The following LTBP3 variants were observed in gnomAD, a reference collection of about 807,000 sequenced individuals.
The protein encoded by LTBP3 is latent-transforming growth factor beta-binding protein 3.
A neutral mutation model predicts 159.7 loss-of-function variants in LTBP3; 97 were observed. That is an observed-to-expected ratio of 0.61 (90% CI 0.52 to 0.72). LTBP3 has a LOEUF of 0.72. Ranked by LOEUF, LTBP3 falls within the 30% of genes least tolerant of loss-of-function variation. The pLI, the probability that LTBP3 is intolerant of heterozygous loss-of-function variation, is 0.00. For missense variants in LTBP3, 1,584 were observed against 1,864.3 expected (o/e 0.85, Z 2.77); for synonymous variants, 824 against 777.1 (o/e 1.06, Z -1.00).
At chr11:65,557,499 C>G in intron 1 of LTBP3, 130 bp downstream of exon 1, 5 of 1,283,710 alleles carry the variant, frequency 3.9e-6, no homozygotes, top group Non-Finnish European at 5.4e-6. Context: ...GGCCCCTGGT[C>G]CCCCAGGCCC....
rs1856720669 is a variant in LTBP3, at chr11:65,554,139, G to A, written c.573C>T (p.Ile191=). The change falls in exon 2 of 28, where the codon ATC becomes ATT. Residue 191 remains isoleucine (I), a synonymous_variant. Transcript: ENST00000301873. This position sits in a 1 kb window ranked among gnomAD's most constrained non-coding sequence, Gnocchi z 5.3. ...CCTCCCCGGGCCCAGGAGGGTCAGC[G>A]ATCACCTGGACGGCGTAGATGGCGT... ...SKHAIYAVQV[I]ADPPGPGEGP... is the part of the protein sequence containing the mutation. 1.2e-6 allele frequency: 2 copies of A among 1,611,782 alleles called. No individual in the cohort carries two copies. Among genetic ancestry groups the A allele is most frequent in the Admixed American group, 1.7e-5 (1 of 59,978 alleles).
chr11:65,549,710 A>G (rs1016147661), intron 11 of LTBP3, among the ~76,000 whole-genome samples: 2 of 124,296 alleles, frequency 1.6e-5, no homozygotes, highest in Non-Finnish European at 3.2e-5. Flanking sequence ...GAGCCACTGC[A>G]CCCTGCCACA....
Position 65,546,458 on chromosome 11 carries a change from G to T in LTBP3, c.2337C>A (p.Asp779Glu), listed in dbSNP as rs781555170. 1.9e-6 allele frequency: 3 copies of T among 1,572,748 alleles called. No individual in the cohort carries two copies. Among genetic ancestry groups the T allele is most frequent in the Non-Finnish European group, 1.7e-6 (2 of 1,167,014 alleles). ...GGCGCTCACCCAAGCAACTGCGGCC[G>T]TCGGGCGCGGGCGCGTAGCCCTGGG... is the stretch of plus-strand genomic sequence containing the variant. ...TCAQGYAPAP[D>E]GRSCLDVDEC... Residue 779 changes from aspartate (D) to glutamate (E), a missense_variant, in exon 16 of 28, where the codon GAC (aspartate) becomes GAA (glutamate). By Grantham distance (45) the Asp-to-Glu change is conservative (BLOSUM62 2). Coordinates refer to ENST00000301873, the MANE Select transcript of LTBP3 (RefSeq NM_001130144.3). The surrounding 1 kb of genome is among the most constrained non-coding windows in gnomAD (Gnocchi z 4.0).
chr11:65,550,993 G>A (rs188304286), intron 11 of LTBP3, 133 bp downstream of exon 11: 2 of 764,650 alleles, frequency 2.6e-6, no homozygotes, highest in African/African-American at 3.4e-5. Context: ...TGCTCACCAG[G>A]CTTCCCCAGT....
In LTBP3 at chr11:65,557,708, A is replaced by G; in HGVS notation, c.252T>C (p.Cys84=). ...TCLKGQCRDS[C]QQGSNMTLIG... is the part of the protein sequence containing the mutation. ...TGAGCGTCATGTTGGAGCCCTGCTG[A>G]CAACTGTCCCGACACTGGCCCTTGA... Residue 84 remains cysteine (C), a synonymous_variant, in exon 1 of 28, where the codon TGT becomes TGC. Coordinates refer to ENST00000301873, the MANE Select transcript of LTBP3 (RefSeq NM_001130144.3). 1 of 1,609,942 alleles carries G rather than the reference A, an allele frequency of 6.2e-7. No individual in the cohort carries two copies. Among genetic ancestry groups the G allele is most frequent in the Non-Finnish European group, 8.5e-7 (1 of 1,179,848 alleles).
chr11:65,550,136 G>A (rs865822346), intron 11 of LTBP3, among the ~76,000 whole-genome samples: 3 of 151,440 alleles, frequency 2.0e-5, no homozygotes, highest in South Asian at 2.1e-4. Flanking sequence ...AGGGCCAGGC[G>A]TGGTGGCTCA....
rs766538134 is a variant in LTBP3, at chr11:65,557,654, C to T, written c.306G>A (p.Thr102=). The change falls in exon 1 of 28, where the codon ACG becomes ACA. Residue 102 remains threonine (T), a synonymous_variant. Coordinates refer to ENST00000301873, the MANE Select transcript of LTBP3 (RefSeq NM_001130144.3). ...LIGENGHSTD[T]LTGSGFRVVV... ...CCACGCGGAAGCCGGAGCCCGTGAG[C>T]GTGTCTGTGCTGTGGCCGTTCTCTC... 7.3e-5 allele frequency: 117 copies of T among 1,610,714 alleles called. 4 individuals carry two copies. The South Asian group carries it at 1.2e-3, about 16-fold the overall frequency.
In LTBP3 at chr11:65,547,573, C is replaced by T. The variant is rs1856427288; in HGVS notation, c.1979-6G>A. 2 of 1,613,338 alleles carry T rather than the reference C, an allele frequency of 1.2e-6. No homozygotes were observed. The highest frequency in any genetic ancestry group is 2.7e-5 in the African/African-American group (2 of 74,880). The stretch of plus-strand genomic sequence containing the variant: ...CTTGGCGCATTCGTTCAGGTCTGTG[C>T]GGGAGGAAGGGGCCACGAAGGGGGT... On this transcript the variant is annotated splice_region_variant and splice_polypyrimidine_tract_variant and intron_variant, in intron 13 of 27. Coordinates refer to ENST00000301873, the MANE Select transcript of LTBP3 (RefSeq NM_001130144.3). This position sits in a 1 kb window ranked among gnomAD's most constrained non-coding sequence, Gnocchi z 4.6.
At chr11:65,540,791 C>G in intron 21 of LTBP3, 80 bp downstream of exon 21, 1 of 1,483,570 alleles carries the variant, frequency 6.7e-7, no homozygotes. Flanking sequence ...GGCAGCTGAC[C>G]CAGCGAGTCC....
chr11:65,539,937 C>T, intron 24 of LTBP3, 56 bp from the exon 25 acceptor site: 3 of 1,470,060 alleles, frequency 2.0e-6, no homozygotes, highest in African/African-American at 1.5e-5. Context: ...CGCCCGCCTC[C>T]GCCCCACCCC....
chr11:65,540,670 G>T lies in LTBP3; in HGVS notation c.2978-56C>A, dbSNP rs1018215690. 16 of 1,608,378 alleles carry T rather than the reference G, an allele frequency of 9.9e-6. No individual in the cohort carries two copies. The Admixed American group carries it at 2.7e-4, about 27-fold the overall frequency. On this transcript the variant is annotated intron_variant, in intron 21 of 27. Transcript: ENST00000301873. ...TCCCGCAGCTGCAGCCCGGAGGCGT[G>T]GGCTGGGCGCACCACCGGAGCGAAG...
chr11:65,543,359 G>C, intron 17 of LTBP3, 68 bp downstream of exon 17: 2 of 1,612,448 alleles, frequency 1.2e-6, no homozygotes, highest in Admixed American at 1.7e-5. Context: ...ATTAGGACTG[G>C]ACCCTGGGGG....
rs1284081056 is a variant in LTBP3 at position 65,551,994 on chromosome 11, A to C, written c.1509T>G (p.Pro503=). 6.2e-7 allele frequency: 1 copy of C among 1,614,016 alleles called. No individual in the cohort carries two copies. The highest frequency in any genetic ancestry group is 1.7e-5 in the Admixed American group (1 of 60,004). The change falls in exon 8 of 28, where the codon CCT becomes CCG. Residue 503 remains proline, a synonymous_variant. Coordinates refer to ENST00000301873, the MANE Select transcript of LTBP3 (RefSeq NM_001130144.3). ...LPESPSQAPP[P]EDTEEERGVT... Reference sequence around the variant, plus strand: ...GACCTCTCTCTTCCTCTGTGTCCTCAGGTGGTGGAGCCTGGCTAGGGCTCT... The same window carrying C: ...GACCTCTCTCTTCCTCTGTGTCCTCCGGTGGTGGAGCCTGGCTAGGGCTCT...
chr11:65,540,422 G>T, intron 22 of LTBP3, 40 bp from the exon 23 acceptor site: 2 of 1,608,456 alleles, frequency 1.2e-6, no homozygotes, highest in Non-Finnish European at 1.7e-6. Flanking sequence ...GGCAGGCCCG[G>T]GATGGGCGCG....
rs766241933 is a variant in LTBP3 at position 65,540,645 on chromosome 11, TC to T, written c.2978-32del. On this transcript the variant is annotated intron_variant, in intron 21 of 27. Transcript: ENST00000301873. Reference sequence around the variant, plus strand: ...GGGTGACAAACACTGGCCGCTCCGGTCCCGCAGCTGCAGCCCGGAGGCGTGG... The same window carrying T: ...GGGTGACAAACACTGGCCGCTCCGGTCCGCAGCTGCAGCCCGGAGGCGTGG... 1.9e-6 allele frequency: 3 copies of T among 1,567,816 alleles called. No individual in the cohort carries two copies. The East Asian group carries it at 7.1e-5, about 37-fold the overall frequency.
chr11:65,558,162 TC>T lies in LTBP3; in HGVS notation c.-204del. On this transcript the variant is annotated 5_prime_UTR_variant, in exon 1 of 28. Coordinates refer to ENST00000301873, the MANE Select transcript of LTBP3 (RefSeq NM_001130144.3). ...CTGGACAGCGGGGAGCGCAGAAACT[TC>T]CCAGCCCCAGGACGAAGCCCAGACC... 9.3e-7 allele frequency: 1 copy of T among 1,070,420 alleles called. No homozygotes were observed. Among genetic ancestry groups the T allele is most frequent in the Non-Finnish European group, 1.1e-6 (1 of 883,892 alleles). 66.3% of individuals were successfully genotyped at this position (1,070,420 alleles called of 1,614,324 possible).
chr11:65,548,282 T>C (rs1439135388), intron 11 of LTBP3: 3 of 638,262 alleles, frequency 4.7e-6, no homozygotes, highest in Non-Finnish European at 8.3e-6. Flanking sequence ...CAGGCCCGGA[T>C]ACTTCCATTC....
chr11:65,551,697 G>T, intron 8 of LTBP3, 133 bp from the exon 9 acceptor site: 1 of 1,201,330 alleles, frequency 8.3e-7, no homozygotes, highest in Non-Finnish European at 1.2e-6. Flanking sequence ...AAGGGTCAGG[G>T]GTTAGATTCT....
Position 65,552,718 on chromosome 11 carries a change from C to G in LTBP3, c.1186+142G>C. 2.4e-6 allele frequency: 3 copies of G among 1,253,632 alleles called. No homozygotes were observed. The highest frequency in any genetic ancestry group is 3.5e-6 in the Non-Finnish European group (3 of 868,666). The allele number at this position is 1,253,632 out of a possible 1,614,324, so 77.7% of individuals were successfully genotyped here. A position where few individuals can be genotyped will look rare whatever the true frequency, so the allele number is the denominator to read the frequency against. On this transcript the variant is annotated intron_variant, in intron 6 of 27. Transcript: ENST00000301873. This position sits in a 1 kb window ranked among gnomAD's most constrained non-coding sequence, Gnocchi z 6.0. ...GGCAGATCTCATGTGACCCCGGACC[C>G]TGCTGATCCCTGATCCTATTGGCTC...
Sources: gnomAD v4.1 joint callset for allele counts (sites outside exome capture counted in the v4.1 genomes callset) on GRCh38, gnomAD v4.1.1 for gene constraint, Gnocchi (gnomAD v3.1) non-coding constraint, MANE v1.5 for transcripts, NCBI Gene and HGNC (gene_info 2026-07-23, HGNC 2026-07-21) for gene names.